Variants in GRIN3A observed in about 807,000 individuals in gnomAD.
GRIN3A encodes the protein glutamate receptor ionotropic, NMDA 3A.
A neutral mutation model predicts 92.4 loss-of-function variants in GRIN3A; 47 were observed. That is an observed-to-expected ratio of 0.51 (90% CI 0.40 to 0.65). GRIN3A has a LOEUF of 0.65. Among genes scored for constraint, GRIN3A ranks in the 30% least tolerant of loss-of-function variants. GRIN3A has a pLI of 0.00. For missense variants in GRIN3A, 1,324 were observed against 1,393.1 expected, an observed-to-expected ratio of 0.95 and a Z score of 0.79; for synonymous variants, 527 against 540.6, an observed-to-expected ratio of 0.97 and a Z score of 0.35.
chr9:101,712,580 A>C (rs1221997642), intron 1 of GRIN3A, among the ~76,000 whole-genome samples: 1 of 152,244 alleles, frequency 6.6e-6, no homozygotes, highest in African/African-American at 2.4e-5. Flanking sequence ...ACTCATCCAT[A>C]AGATTCCAAT....
intron 1 of GRIN3A, among the ~76,000 whole-genome samples, chr9:101,696,140 C>T (rs1250544245): frequency 6.6e-6 from 1 of 152,124 alleles, no homozygotes; most frequent in African/African-American, 2.4e-5. Flanking sequence ...ATTAGAGATC[C>T]GGACTCTTGT....
chr9:101,733,855 T>G lies in GRIN3A; in HGVS notation c.699+3426A>C, dbSNP rs560805018. Among the ~76,000 whole-genome samples the G allele has an allele frequency of 1.2e-3, 183 of 149,950 alleles. 1 individual carries two copies. The highest frequency in any genetic ancestry group is 4.2e-3 in the African/African-American group (170 of 40,318). ...TGTTGAAAATAGTAGTGGGATCACT[T>G]TTTTTTTTAATTAAAAAATTTTTTT... On this transcript the variant is annotated intron_variant, in intron 1 of 8. Transcript: ENST00000361820.
In GRIN3A at chr9:101,642,108, G is replaced by C. The variant is rs554894213; in HGVS notation, c.2353-13707C>G. 4.6e-5 allele frequency among the ~76,000 whole-genome samples: 7 copies of C among 152,182 alleles called. No individual in the cohort carries two copies. In the East Asian group the frequency reaches 1.4e-3, roughly 29 times the overall value. On this transcript the variant is annotated intron_variant, in intron 3 of 8. Coordinates refer to ENST00000361820, the MANE Select transcript of GRIN3A (RefSeq NM_133445.3). ...AAAGCTATAGTAATCAAAACAGTAT[G>C]GTATTGGCATAAAAACAAACACATC...
chr9:101,671,725 G>A (rs755138359), intron 2 of GRIN3A, among the ~76,000 whole-genome samples: 15 of 152,122 alleles, frequency 9.9e-5, no homozygotes, highest in Non-Finnish European at 2.1e-4. Context: ...GCTGCATGTT[G>A]GATCTCATCC....
intron 2 of GRIN3A, among the ~76,000 whole-genome samples, chr9:101,679,672 C>T (rs1829443404): frequency 6.6e-6 from 1 of 152,148 alleles, no homozygotes; most frequent in African/African-American, 2.4e-5. Context: ...GAAGTATCAA[C>T]ACCTTAGTAG....
chr9:101,582,922 T>C (rs1827907297), intron 6 of GRIN3A, among the ~76,000 whole-genome samples: 3 of 152,216 alleles, frequency 2.0e-5, no homozygotes, highest in Admixed American at 6.5e-5. Flanking sequence ...TAGGCCGTAT[T>C]GTTTATATTA....
At chr9:101,591,040 A>G (rs17189401) in intron 6 of GRIN3A, among the ~76,000 whole-genome samples, 22,608 of 152,244 alleles carry the variant, frequency 0.15, 2,107 homozygotes, top group Non-Finnish European at 0.21. Flanking sequence ...GGATTGCAAC[A>G]TATGGTACAG....
intron 1 of GRIN3A, among the ~76,000 whole-genome samples, chr9:101,694,054 C>T (rs529577798): frequency 3.3e-5 from 5 of 152,140 alleles, no homozygotes; most frequent in African/African-American, 1.2e-4. Flanking sequence ...TTTCAGAAGG[C>T]AGGATTATCC....
chr9:101,594,384 T>C, intron 6 of GRIN3A: 2 of 1,562,330 alleles, frequency 1.3e-6, no homozygotes, highest in South Asian at 2.4e-5. Context: ...CAGAAGTTGT[T>C]GGGTGGTGCT....
intron 3 of GRIN3A, among the ~76,000 whole-genome samples, chr9:101,668,557 C>T (rs1057128458): frequency 1.3e-5 from 2 of 152,084 alleles, no homozygotes; most frequent in African/African-American, 4.8e-5. Flanking sequence ...AATGCAGAAG[C>T]ATCACCAACA....
intron 3 of GRIN3A, among the ~76,000 whole-genome samples, chr9:101,660,522 G>C (rs903149071): frequency 6.6e-6 from 1 of 151,894 alleles, no homozygotes; most frequent in South Asian, 2.1e-4. Context: ...TAGGAACAGG[G>C]TGCATAAGAA....
intron 6 of GRIN3A, among the ~76,000 whole-genome samples, chr9:101,586,987 A>G (rs1827958114): frequency 6.6e-6 from 1 of 152,090 alleles, no homozygotes; most frequent in Non-Finnish European, 1.5e-5. Flanking sequence ...CTTTCCCGTT[A>G]TTCTTTTGAT....
At chr9:101,604,524 A>C (rs1264892616) in intron 6 of GRIN3A, among the ~76,000 whole-genome samples, 2 of 152,208 alleles carry the variant, frequency 1.3e-5, no homozygotes, top group Admixed American at 6.5e-5. Flanking sequence ...CTCAGCTGTC[A>C]AGGTGGCTCT....
chr9:101,711,450 C>G (rs571996792), intron 1 of GRIN3A, among the ~76,000 whole-genome samples: 85 of 152,256 alleles, frequency 5.6e-4, no homozygotes, highest in Non-Finnish European at 1.1e-3. Flanking sequence ...TAACTGAAAC[C>G]TTGGAAAGCA....
intron 8 of GRIN3A, among the ~76,000 whole-genome samples, chr9:101,575,592 A>G (rs1400402325): frequency 6.6e-6 from 1 of 152,212 alleles, no homozygotes; most frequent in African/African-American, 2.4e-5. Flanking sequence ...TTTGCATTAA[A>G]TGAGAAAGGG....
At chr9:101,580,551 G>A (rs1178745321) in intron 6 of GRIN3A, among the ~76,000 whole-genome samples, 2 of 152,134 alleles carry the variant, frequency 1.3e-5, no homozygotes, top group Non-Finnish European at 2.9e-5. Context: ...AGTAACTTTG[G>A]AATTTGGATC....
chr9:101,624,941 G>A (rs1480029615), intron 4 of GRIN3A, among the ~76,000 whole-genome samples: 2 of 152,268 alleles, frequency 1.3e-5, no homozygotes, highest in East Asian at 3.9e-4. Context: ...AGCCAGGGGT[G>A]GGGTTCACCT....
intron 5 of GRIN3A, among the ~76,000 whole-genome samples, chr9:101,614,421 CA>C (rs978895375): frequency 3.3e-5 from 5 of 151,926 alleles, no homozygotes; most frequent in African/African-American, 1.2e-4. Flanking sequence ...TGGAATATTA[CA>C]TAATCAAAAC....
intron 3 of GRIN3A, among the ~76,000 whole-genome samples, chr9:101,631,108 T>G (rs576399681): frequency 2.0e-5 from 3 of 152,264 alleles, no homozygotes; most frequent in South Asian, 4.2e-4. Context: ...TTTAATTATG[T>G]AATCATGTGA....
Sources: gnomAD v4.1 joint callset for allele counts (sites outside exome capture counted in the v4.1 genomes callset) on GRCh38, gnomAD v4.1.1 for gene constraint, MANE v1.5 for transcripts, NCBI Gene and HGNC (gene_info 2026-07-23, HGNC 2026-07-21) for gene names.